The following CHD9 variants were observed in gnomAD, a reference collection of about 807,000 sequenced individuals.
The protein encoded by CHD9 is chromodomain helicase DNA binding protein 9, also known as ATP-dependent chromatin remodeler CHD9.
Under a neutral mutation model 316.1 loss-of-function variants are expected in CHD9, and 77 were observed. That is an observed-to-expected ratio of 0.24 (90% CI 0.20 to 0.29). CHD9 has a LOEUF of 0.29. Among genes scored for constraint, CHD9 ranks in the 10% least tolerant of loss-of-function variants. The pLI, the probability that CHD9 is intolerant of heterozygous loss-of-function variation, is 1.00. For synonymous variants in CHD9, 1,129 were observed against 1,158.3 expected (o/e 0.97, Z 0.51); for missense variants, 2,763 against 3,438.1 (o/e 0.80, Z 4.91).
intron 4 of CHD9, among the ~76,000 whole-genome samples, chr16:53,224,387 T>C (rs2047481960): frequency 6.6e-6 from 1 of 152,230 alleles, no homozygotes; most frequent in African/African-American, 2.4e-5. Context: ...TGTGTAACTA[T>C]GTCCTCTAGT....
intron 1 of CHD9, among the ~76,000 whole-genome samples, chr16:53,098,202 G>A (rs372788672): frequency 2.2e-4 from 33 of 150,082 alleles, no homozygotes; most frequent in South Asian, 1.7e-3. Flanking sequence ...GCAGACAGGC[G>A]TGGTGGCTTA....
In CHD9 at chr16:53,156,524, A is replaced by G. The variant is rs1240236204; in HGVS notation, c.435A>G (p.Gly145=). Residue 145 remains glycine (G), a synonymous_variant, in exon 2 of 39, where the codon GGA becomes GGG. Transcript: ENST00000447540. The stretch of plus-strand genomic sequence containing the variant: ...ATGGATCTCCTTTTCACCAACAAGG[A>G]CATTCACACTCTATGCATCAAAATA... ...NQNGSPFHQQ[G]HSHSMHQNKS... 2.5e-6 allele frequency: 4 copies of G among 1,613,894 alleles called. No individual in the cohort carries two copies. In the African/African-American group the frequency reaches 5.3e-5, roughly 22 times the overall value.
chr16:53,314,301 A>G lies in CHD9; in HGVS notation c.7223-76A>G, dbSNP rs1038540659. On this transcript the variant is annotated intron_variant, in intron 34 of 38. Coordinates refer to ENST00000447540, the MANE Select transcript of CHD9 (RefSeq NM_001308319.2). ...AAAATAAGAACTAACACTTTCATATATTTAGGAAAGGGATTACTTTCAGTT... is the reference window on the plus strand; with the variant it reads ...AAAATAAGAACTAACACTTTCATATGTTTAGGAAAGGGATTACTTTCAGTT... 4.7e-6 allele frequency: 5 copies of G among 1,071,324 alleles called. No individual in the cohort carries two copies. In the African/African-American group the frequency reaches 8.1e-5, roughly 17 times the overall value. 66.4% of individuals were successfully genotyped at this position (1,071,324 alleles called of 1,614,324 possible). A position where few individuals can be genotyped will look rare whatever the true frequency, so the allele number is the denominator to read the frequency against.
rs1157435702 is a variant in CHD9 at position 53,242,841 on chromosome 16, G to A, written c.2879G>A (p.Gly960Glu). 6.2e-7 allele frequency: 1 copy of A among 1,610,516 alleles called. No homozygotes were observed. The highest frequency in any genetic ancestry group is 8.5e-7 in the Non-Finnish European group (1 of 1,177,696). The change falls in exon 13 of 39, where the codon GGG (glycine) becomes GAG (glutamate). Residue 960 changes from glycine (G) to glutamate (E), a missense_variant and splice_region_variant. This residue lies in a region of CHD9 where 186 missense variants were observed against 245.0 expected (regional missense o/e 0.76). Transcript: ENST00000447540. Reference protein sequence around the residue: ...QYEMYFRDSQGRIIRGAYRFQ... With the variant: ...QYEMYFRDSQERIIRGAYRFQ... The stretch of plus-strand genomic sequence containing the variant: ...ATAATTATATTTGATCATTTCTAGG[G>A]GCGTATCATTCGAGGAGCTTACAGA...
chr16:53,226,733 A>G (rs2047685093), intron 5 of CHD9, among the ~76,000 whole-genome samples: 1 of 152,160 alleles, frequency 6.6e-6, no homozygotes, highest in South Asian at 2.1e-4. Context: ...TACCTCCTAA[A>G]TATATGTTCT....
chr16:53,308,661 C>G (rs1159288242), intron 33 of CHD9, 25 bp from the exon 34 acceptor site: 19 of 1,577,926 alleles, frequency 1.2e-5, no homozygotes, highest in Non-Finnish European at 1.5e-5. Context: ...CAGTTTCTGT[C>G]TTAATAATGG....
At chr16:53,068,671 C>T (rs1406649931) in intron 1 of CHD9, among the ~76,000 whole-genome samples, 1 of 152,188 alleles carries the variant, frequency 6.6e-6, no homozygotes, top group Non-Finnish European at 1.5e-5. Flanking sequence ...ATTGTCAAAG[C>T]AAGGTGCACT....
intron 2 of CHD9, among the ~76,000 whole-genome samples, chr16:53,180,658 C>A (rs972573990): frequency 3.7e-4 from 56 of 152,016 alleles, no homozygotes; most frequent in Admixed American, 3.3e-3. Context: ...ACAGACATCT[C>A]TTTTTTTATT....
intron 2 of CHD9, chr16:53,207,922 A>G: frequency 2.3e-6 from 1 of 434,382 alleles, no homozygotes; most frequent in Non-Finnish European, 3.1e-6. Flanking sequence ...ATGGAATAAT[A>G]ACTGGTAGCA....
chr16:53,193,734 G>T (rs547013905), intron 2 of CHD9, among the ~76,000 whole-genome samples: 1 of 152,202 alleles, frequency 6.6e-6, no homozygotes, highest in African/African-American at 2.4e-5. Context: ...GTGCCTGCAT[G>T]TCAGATACTG....
At chr16:53,250,144 T>G in intron 17 of CHD9, 78 bp downstream of exon 17, 1 of 930,692 alleles carries the variant, frequency 1.1e-6, no homozygotes, top group Non-Finnish European at 1.6e-6. Flanking sequence ...AATCCACATC[T>G]TTTATTTTTA....
In CHD9 at chr16:53,309,670, G is replaced by A. The variant is rs77409818; in HGVS notation, c.7222+816G>A. On this transcript the variant is annotated intron_variant, in intron 34 of 38. Transcript: ENST00000447540. Reference sequence around the variant, plus strand: ...TTCTGTTGAGATAGTGTCTCACTATGTTGCCTAGGCTGGTCCTAAACTCCT... The same window carrying A: ...TTCTGTTGAGATAGTGTCTCACTATATTGCCTAGGCTGGTCCTAAACTCCT... Among the ~76,000 whole-genome samples the A allele has an allele frequency of 4.7e-4, 72 of 152,240 alleles. No individual in the cohort carries two copies. In the East Asian group the frequency reaches 0.014, roughly 29 times the overall value.
intron 32 of CHD9, among the ~76,000 whole-genome samples, chr16:53,306,997 C>T (rs187769618): frequency 6.6e-6 from 1 of 152,216 alleles, no homozygotes; most frequent in African/African-American, 2.4e-5. Flanking sequence ...CCAGGATGGT[C>T]TCGAACTCCT....
At chr16:53,296,133 G>A (rs1475535370) in intron 29 of CHD9, among the ~76,000 whole-genome samples, 1 of 152,112 alleles carries the variant, frequency 6.6e-6, no homozygotes, top group Non-Finnish European at 1.5e-5. Flanking sequence ...ACTCTGTGAT[G>A]CCTTTCTTGA....
intron 2 of CHD9, among the ~76,000 whole-genome samples, chr16:53,186,119 A>C (rs1466919490): frequency 6.6e-6 from 1 of 152,172 alleles, no homozygotes; most frequent in Non-Finnish European, 1.5e-5. Context: ...GACATTTTGC[A>C]CTGTACGCCT....
chr16:53,296,320 G>A, intron 29 of CHD9, among the ~76,000 whole-genome samples: 1 of 151,390 alleles, frequency 6.6e-6, no homozygotes, highest in East Asian at 1.9e-4. Flanking sequence ...TTCTCACATA[G>A]CAAAAATACA....
At chr16:53,170,061 T>G (rs767757501) in intron 2 of CHD9, among the ~76,000 whole-genome samples, 51 of 150,532 alleles carry the variant, frequency 3.4e-4, no homozygotes, top group East Asian at 1.4e-3. Flanking sequence ...TTTTTTTTGT[T>G]TGTTTTTTTT....
chr16:53,193,026 T>G (rs965549260), intron 2 of CHD9, among the ~76,000 whole-genome samples: 5 of 137,976 alleles, frequency 3.6e-5, no homozygotes, highest in Non-Finnish European at 6.5e-5. Flanking sequence ...GTTGAGTGTA[T>G]GTTGAACTTA....
intron 36 of CHD9, among the ~76,000 whole-genome samples, chr16:53,317,113 T>C (rs1306567806): frequency 6.8e-6 from 1 of 147,010 alleles, no homozygotes; most frequent in Non-Finnish European, 1.5e-5. Context: ...GGAGAATCTC[T>C]TGAACCCGGG....
Sources: allele counts gnomAD v4.1 joint callset (sites outside exome capture counted in the v4.1 genomes callset), GRCh38; gene constraint gnomAD v4.1.1; regional missense constraint gnomAD v4.1.1; transcripts MANE v1.5; gene names NCBI Gene and HGNC (gene_info 2026-07-23, HGNC 2026-07-21).